Variants in ARHGEF10L observed in about 807,000 individuals in gnomAD.
ARHGEF10L encodes the protein Rho guanine nucleotide exchange factor 10 like.
ARHGEF10L carries 69 observed loss-of-function variants against 141.2 expected under a neutral mutation model. That is an observed-to-expected ratio of 0.49 (90% CI 0.40 to 0.60). The LOEUF (loss-of-function observed/expected upper bound fraction) is 0.60, where lower values mean the gene tolerates loss of function less well. ARHGEF10L is among the 20% of genes least tolerant of loss of function. The pLI, the probability that ARHGEF10L is intolerant of heterozygous loss-of-function variation, is 0.00. For missense variants in ARHGEF10L, 1,482 were observed against 1,734.3 expected, an observed-to-expected ratio of 0.85 and a Z score of 2.58; for synonymous variants, 711 against 718.5, an observed-to-expected ratio of 0.99 and a Z score of 0.17.
At chr1:17,527,050 CTT>C in the ARHGEF10L span, among the ~76,000 whole-genome samples, 1 of 152,150 alleles carries the variant, frequency 6.6e-6, no homozygotes, top group East Asian at 1.9e-4. Context: ...GCCTTTTTCT[CTT>C]CTTCATTTTC....
intron 15 of ARHGEF10L, among the ~76,000 whole-genome samples, chr1:17,631,960 C>A (rs1340634298): frequency 6.6e-6 from 1 of 152,214 alleles, no homozygotes. Context: ...GGGATGGGGG[C>A]AGAGCCACCT....
At chr1:17,651,513 G>A (rs1307782276) in intron 22 of ARHGEF10L, among the ~76,000 whole-genome samples, 2 of 152,194 alleles carry the variant, frequency 1.3e-5, no homozygotes, top group Non-Finnish European at 1.5e-5. Flanking sequence ...GGTCTCTTGA[G>A]AGCACAGGAT....
intron 7 of ARHGEF10L, among the ~76,000 whole-genome samples, chr1:17,608,662 C>G (rs111523280): frequency 6.6e-6 from 1 of 152,162 alleles, no homozygotes; most frequent in South Asian, 2.1e-4. Context: ...TGTTGTTCTG[C>G]GGAAGCCACC....
chr1:17,641,980 TAAAAAAA>T (rs766761868), intron 21 of ARHGEF10L, among the ~76,000 whole-genome samples: 1 of 138,672 alleles, frequency 7.2e-6, no homozygotes, highest in South Asian at 2.3e-4. Flanking sequence ...GACTCCGTCT[TAAAAAAA>T]AAGAAAAAAA....
Position 17,654,779 on chromosome 1 carries a change from G to A in ARHGEF10L, c.2481+57G>A. 1.3e-6 allele frequency: 2 copies of A among 1,507,292 alleles called. No individual in the cohort carries two copies. Among genetic ancestry groups the A allele is most frequent in the African/African-American group, 1.4e-5 (1 of 72,818 alleles). 93.4% of individuals were successfully genotyped at this position (1,507,292 alleles called of 1,614,324 possible). A position where few individuals can be genotyped will look rare whatever the true frequency, so the allele number is the denominator to read the frequency against. ...TGGCCTCAGGACAGGAGTAGGGAGA[G>A]CGGCACCTGGGAGGGGGTGCTGGAG... On this transcript the variant is annotated intron_variant, in intron 23 of 28. Transcript: ENST00000361221. This position sits in a 1 kb window ranked among gnomAD's most constrained non-coding sequence, Gnocchi z 4.3.
intron 1 of ARHGEF10L, among the ~76,000 whole-genome samples, chr1:17,565,174 G>A (rs758995900): frequency 2.0e-5 from 3 of 152,180 alleles, no homozygotes; most frequent in Non-Finnish European, 4.4e-5. Context: ...GGGCCTAGCC[G>A]GGGCCTTGTT....
rs181438356 is a variant in ARHGEF10L at position 17,656,316 on chromosome 1, C to T, written c.2705+214C>T. ...GCCTGGCTCCTCCCAGGCAGAATGG[C>T]TGGCTCTTTTGCCTCCCTGAGTCCT... On this transcript the variant is annotated intron_variant, in intron 24 of 28. Transcript: ENST00000361221. This position sits in a 1 kb window ranked among gnomAD's most constrained non-coding sequence, Gnocchi z 4.9. Among the ~76,000 whole-genome samples, 247 of 152,330 alleles carry T rather than the reference C, an allele frequency of 1.6e-3. 1 individual carries two copies. Among genetic ancestry groups the T allele is most frequent in the African/African-American group, 5.2e-3 (216 of 41,584 alleles).
In ARHGEF10L at chr1:17,632,402, A is replaced by T; in HGVS notation, c.1666A>T (p.Lys556Ter). ...GTACGGTGACCGCGGGCAGCTAATT[A>T]AGTCCAAGGAGCGTCGGGTCTTCCT... ...TVYGDRGQLI[K>*]SKERRVFLLN... Residue 556 changes from lysine (K) to a stop codon, truncating the protein, a stop_gained, in exon 16 of 29, where the codon AAG becomes TAG. Transcript: ENST00000361221. LOFTEE classifies it high-confidence loss of function. The T allele has an allele frequency of 1.9e-6, 3 of 1,614,158 alleles. No individual in the cohort carries two copies. The highest frequency in any genetic ancestry group is 2.5e-6 in the Non-Finnish European group (3 of 1,180,026).
intron 1 of ARHGEF10L, among the ~76,000 whole-genome samples, chr1:17,546,304 C>T (rs1338288791): frequency 6.6e-6 from 1 of 152,188 alleles, no homozygotes; most frequent in Admixed American, 6.6e-5. Flanking sequence ...TGTTCTCCCC[C>T]CATTGCTAAT....
At chr1:17,588,232 T>G (rs1570659222) in intron 3 of ARHGEF10L, among the ~76,000 whole-genome samples, 1 of 43,148 alleles carries the variant, frequency 2.3e-5, no homozygotes, top group Non-Finnish European at 4.3e-5. Context: ...AGTTGGGAAG[T>G]GGGCCACGGG....
intron 9 of ARHGEF10L, chr1:17,618,261 C>T (rs2059913854): frequency 1.5e-6 from 2 of 1,345,000 alleles, no homozygotes; most frequent in East Asian, 3.1e-5. Flanking sequence ...CAGCCCTCCC[C>T]ACCCCGCCCA....
chr1:17,552,594 T>G (rs1210713270), intron 1 of ARHGEF10L, among the ~76,000 whole-genome samples: 2 of 134,296 alleles, frequency 1.5e-5, no homozygotes, highest in Non-Finnish European at 3.3e-5. Flanking sequence ...TTTTTTTTTT[T>G]TTTTTTTTTA....
At chr1:17,679,238 T>C (rs2063923651) in intron 26 of ARHGEF10L, among the ~76,000 whole-genome samples, 1 of 152,176 alleles carries the variant, frequency 6.6e-6, no homozygotes, top group Admixed American at 6.5e-5. Flanking sequence ...GACTGGTCGT[T>C]GCACCCGGAG....
At position 17,558,244 on chromosome 1, in the gene ARHGEF10L, C is replaced by T. The variant is rs769016658; in HGVS notation, c.-44+18294C>T. 1.3e-5 allele frequency among the ~76,000 whole-genome samples: 2 copies of T among 152,016 alleles called. No individual in the cohort carries two copies. The highest frequency in any genetic ancestry group is 2.9e-5 in the Non-Finnish European group (2 of 67,992). On this transcript the variant is annotated intron_variant, in intron 1 of 28. Transcript: ENST00000361221. This position sits in a 1 kb window ranked among gnomAD's most constrained non-coding sequence, Gnocchi z 4.2. Reference sequence around the variant, plus strand: ...GCCCATCCATTCATCCATTTATCTACCCATCCACCTACTCATTCATTCATC... The same window carrying T: ...GCCCATCCATTCATCCATTTATCTATCCATCCACCTACTCATTCATTCATC...
chr1:17,687,443 G>A (rs917558413), intron 26 of ARHGEF10L, 130 bp from the exon 27 acceptor site: 52 of 1,014,994 alleles, frequency 5.1e-5, no homozygotes, highest in Non-Finnish European at 6.8e-5. Context: ...TCATAGCTGG[G>A]CTTCTAATGT....
At chr1:17,695,533 C>A (rs1177011681) in intron 28 of ARHGEF10L, among the ~76,000 whole-genome samples, 1 of 152,218 alleles carries the variant, frequency 6.6e-6, no homozygotes, top group Non-Finnish European at 1.5e-5. Flanking sequence ...GGCTGAGACA[C>A]CTGCCTAATG....
chr1:17,687,951 C>T (rs1353788294), intron 27 of ARHGEF10L, among the ~76,000 whole-genome samples: 1 of 152,214 alleles, frequency 6.6e-6, no homozygotes, highest in Non-Finnish European at 1.5e-5. Context: ...GTCACTGTGC[C>T]CAGCCACCGC....
Position 17,603,621 on chromosome 1 carries a change from T to C in ARHGEF10L, c.433+30T>C. The stretch of plus-strand genomic sequence containing the variant: ...GATGTCTGCAGTGCTTCCCTGTTTC[T>C]CTTGGGGACAGGGGAGGGAGGCTGG... On this transcript the variant is annotated intron_variant, in intron 6 of 28. Transcript: ENST00000361221. The surrounding 1 kb of genome is among the most constrained non-coding windows in gnomAD (Gnocchi z 4.8). The C allele has an allele frequency of 6.4e-7, 1 of 1,568,212 alleles. No homozygotes were observed. The highest frequency in any genetic ancestry group is 8.7e-7 in the Non-Finnish European group (1 of 1,151,434).
chr1:17,648,696 T>C, intron 22 of ARHGEF10L, 21 bp downstream of exon 22: 1 of 1,608,150 alleles, frequency 6.2e-7, no homozygotes, highest in Non-Finnish European at 8.5e-7. Flanking sequence ...CGGATCTTGC[T>C]GAGCCGACCT....
Sources: gnomAD v4.1 joint callset for allele counts (sites outside exome capture counted in the v4.1 genomes callset) on GRCh38, gnomAD v4.1.1 for gene constraint, Gnocchi (gnomAD v3.1) non-coding constraint, MANE v1.5 for transcripts, NCBI Gene and HGNC (gene_info 2026-07-23, HGNC 2026-07-21) for gene names.